GCA: variants seen among roughly 807,000 people sequenced by gnomAD.
GCA encodes the protein grancalcin, EF-hand calcium-binding protein.
Under a neutral mutation model 32.6 loss-of-function variants are expected in GCA, and 30 were observed. The ratio of observed to expected loss-of-function variants is 0.92; its 90% CI spans 0.69 to 1.25. GCA has a LOEUF of 1.25. Among genes scored for constraint, GCA ranks in the 50% most tolerant of loss-of-function variants. GCA has a pLI of 0.00. For synonymous variants in GCA, 102 were observed against 84.6 expected, an observed-to-expected ratio of 1.21 and a Z score of -1.13; for missense variants, 291 against 266.8, an observed-to-expected ratio of 1.09 and a Z score of -0.63.
chr2:162,328,570 C>T (rs1202627119), intron 1 of GCA, among the ~76,000 whole-genome samples: 1 of 152,160 alleles, frequency 6.6e-6, no homozygotes, highest in South Asian at 2.1e-4. Flanking sequence ...AGCATACACA[C>T]GGGCAGGCTG....
intron 2 of GCA, among the ~76,000 whole-genome samples, chr2:162,348,709 G>A (rs977807965): frequency 7.2e-5 from 11 of 152,136 alleles, no homozygotes; most frequent in African/African-American, 2.4e-4. Flanking sequence ...TGTGGTCAAC[G>A]GAAGCTTTTC....
chr2:162,326,529 T>C (rs532795241), intron 1 of GCA, among the ~76,000 whole-genome samples: 17 of 152,232 alleles, frequency 1.1e-4, no homozygotes, highest in Non-Finnish European at 2.1e-4. Context: ...TCTTTTCTTT[T>C]TTTTTGAGAT....
At position 162,359,120 on chromosome 2, in the gene GCA, T is replaced by G. The variant is rs1685437518; in HGVS notation, c.531T>G (p.Asp177Glu). The G allele has an allele frequency of 6.2e-7, 1 of 1,606,550 alleles. No individual in the cohort carries two copies. The highest frequency in any genetic ancestry group is 8.5e-7 in the Non-Finnish European group (1 of 1,174,384). ...YSKNGRIFFD[D>E]YVACCVKLRA... Reference sequence around the variant, plus strand: ...AGAATGGCAGAATTTTCTTTGATGATTATGTTGCTTGCTGTGTGAAGCTTC... The same window carrying G: ...AGAATGGCAGAATTTTCTTTGATGAGTATGTTGCTTGCTGTGTGAAGCTTC... The change falls in exon 6 of 8, where the codon GAT (aspartate) becomes GAG (glutamate). Residue 177 changes from aspartate to glutamate, a missense_variant. Coordinates refer to ENST00000437150, the MANE Select transcript of GCA (RefSeq NM_012198.5).
chr2:162,344,202 G>A lies in GCA; in HGVS notation c.-47G>A, dbSNP rs749496273. On this transcript the variant is annotated 5_prime_UTR_variant, in exon 1 of 8. Coordinates refer to ENST00000437150, the MANE Select transcript of GCA (RefSeq NM_012198.5). ...CGCCTGTGCTTTTTCTCCCAGCACT[G>A]CGGACGCGACTCGAGGGTGACGCTC... is the stretch of plus-strand genomic sequence containing the variant. The A allele has an allele frequency of 7.4e-6, 12 of 1,612,018 alleles. No homozygotes were observed. In the African/African-American group the frequency reaches 1.3e-4, roughly 18 times the overall value.
intron 1 of GCA, among the ~76,000 whole-genome samples, chr2:162,328,465 A>T (rs1279515644): frequency 6.6e-6 from 1 of 152,048 alleles, no homozygotes; most frequent in Non-Finnish European, 1.5e-5. Flanking sequence ...AGAAAGGCAA[A>T]CCTGACAGCA....
chr2:162,356,753 A>G lies in GCA; in HGVS notation c.307-5A>G, dbSNP rs1685292976. ...AGAATTTATTTTTGTTAATAAAACT[A>G]TCAGAGAGATCACACAGGAAAAATG... is the stretch of plus-strand genomic sequence containing the variant. On this transcript the variant is annotated splice_polypyrimidine_tract_variant and splice_region_variant and intron_variant, in intron 4 of 7. Coordinates refer to ENST00000437150, the MANE Select transcript of GCA (RefSeq NM_012198.5). 6.3e-7 allele frequency: 1 copy of G among 1,595,178 alleles called. No homozygotes were observed. The highest frequency in any genetic ancestry group is 8.6e-7 in the Non-Finnish European group (1 of 1,167,248).
intron 1 of GCA, among the ~76,000 whole-genome samples, chr2:162,323,893 C>T (rs1377206839): frequency 6.7e-6 from 1 of 149,966 alleles, no homozygotes; most frequent in African/African-American, 2.5e-5. Context: ...GCGATGCGGG[C>T]TCTTTTTTGG....
At chr2:162,331,776 C>A (rs900520125) in intron 1 of GCA, among the ~76,000 whole-genome samples, 3 of 152,134 alleles carry the variant, frequency 2.0e-5, no homozygotes, top group Admixed American at 6.5e-5. Flanking sequence ...CTGAGACAAA[C>A]TGTATATATA....
At chr2:162,374,102 T>C (rs1232377040), downstream of GCA, among the ~76,000 whole-genome samples, 3 of 152,252 alleles carry the variant, frequency 2.0e-5, no homozygotes, top group Non-Finnish European at 2.9e-5. Flanking sequence ...ATTTCTTATG[T>C]GTTTTTACAT....
upstream of GCA, among the ~76,000 whole-genome samples, chr2:162,341,760 G>T (rs1302321841): frequency 6.6e-6 from 1 of 152,158 alleles, no homozygotes; most frequent in Non-Finnish European, 1.5e-5. Context: ...GGAGAGAAAA[G>T]GGGACATACA....
At chr2:162,333,763 C>T (rs941084358) in intron 1 of GCA, among the ~76,000 whole-genome samples, 2 of 152,100 alleles carry the variant, frequency 1.3e-5, no homozygotes, top group Non-Finnish European at 2.9e-5. Context: ...CCCTGATAGA[C>T]ATCTCAGAAA....
intron 1 of GCA, among the ~76,000 whole-genome samples, chr2:162,322,459 AGGTT>A (rs1683707782): frequency 1.3e-5 from 2 of 151,078 alleles, no homozygotes; most frequent in Admixed American, 1.3e-4. Context: ...CACAATGTGC[AGGTT>A]GGTTACATAT....
chr2:162,374,408 A>G (rs1553468762), downstream of GCA, among the ~76,000 whole-genome samples: 1 of 152,198 alleles, frequency 6.6e-6, no homozygotes, highest in Non-Finnish European at 1.5e-5. Context: ...ATAGCAAAAT[A>G]TAATTGGTCA....
chr2:162,359,514 C>A lies in GCA; in HGVS notation c.589C>A (p.His197Asn). The change falls in exon 7 of 8, where the codon CAC (histidine) becomes AAC (asparagine). Residue 197 changes from histidine to asparagine, a missense_variant. Physicochemically the swap from His to Asn is moderately conservative, Grantham distance 68. Coordinates refer to ENST00000437150, the MANE Select transcript of GCA (RefSeq NM_012198.5). ...TAAAGATTTCTTTAGGAAAAGAGAC[C>A]ACTTGCAACAAGGGTCTGCGAATTT... Reference protein sequence around the residue: ...ALTDFFRKRDHLQQGSANFIY... With the variant: ...ALTDFFRKRDNLQQGSANFIY... 2 of 1,530,152 alleles carry A rather than the reference C, an allele frequency of 1.3e-6. No individual in the cohort carries two copies. Among genetic ancestry groups the A allele is most frequent in the South Asian group, 1.2e-5 (1 of 84,182 alleles). The allele number at this position is 1,530,152 out of a possible 1,614,324, so 94.8% of individuals were successfully genotyped here. A position where few individuals can be genotyped will look rare whatever the true frequency, so the allele number is the denominator to read the frequency against.
At chr2:162,352,439 A>G (rs1454199020) in intron 3 of GCA, 32 bp downstream of exon 3, 2 of 1,248,832 alleles carry the variant, frequency 1.6e-6, no homozygotes, top group Admixed American at 3.7e-5. Flanking sequence ...TGTTGAAATT[A>G]TAATAGGAAG....
Position 162,351,075 on chromosome 2 carries a change from G to A in GCA, c.193-1263G>A, listed in dbSNP as rs980694990. 6.6e-5 allele frequency among the ~76,000 whole-genome samples: 10 copies of A among 152,080 alleles called. No homozygotes were observed. In the South Asian group the frequency reaches 1.4e-3, roughly 22 times the overall value. ...GAAAAACACCTGATTAAAGGTTTCT[G>A]CAGTGTTCTTATTTATAGGATGAAG... On this transcript the variant is annotated intron_variant, in intron 2 of 7. Transcript: ENST00000437150.
At chr2:162,354,507 G>A (rs776568812) in intron 3 of GCA, among the ~76,000 whole-genome samples, 1 of 152,166 alleles carries the variant, frequency 6.6e-6, no homozygotes. Context: ...TTGGAAGTAG[G>A]TGTAGCATCC....
At position 162,360,747 on chromosome 2, in the gene GCA, G is replaced by A; in HGVS notation, c.*504G>A. The A allele has an allele frequency of 7.2e-7, 1 of 1,394,562 alleles. No individual in the cohort carries two copies. Among genetic ancestry groups the A allele is most frequent in the Admixed American group, 2.9e-5 (1 of 34,190 alleles). 86.4% of individuals were successfully genotyped at this position (1,394,562 alleles called of 1,614,324 possible). A position where few individuals can be genotyped will look rare whatever the true frequency, so the allele number is the denominator to read the frequency against. On this transcript the variant is annotated 3_prime_UTR_variant, in exon 8 of 8. Coordinates refer to ENST00000437150, the MANE Select transcript of GCA (RefSeq NM_012198.5). ...TTTGTTCCTTGATCAAATAATCAGA[G>A]AAAAGAAACTTAAAGATCTTTGTCT...
intron 1 of GCA, among the ~76,000 whole-genome samples, chr2:162,321,249 A>G (rs2105246560): frequency 6.6e-6 from 1 of 152,238 alleles, no homozygotes; most frequent in South Asian, 2.1e-4. Flanking sequence ...TTCTTCTACT[A>G]GGTTTCATTT....
Sources: allele counts gnomAD v4.1 joint callset (sites outside exome capture counted in the v4.1 genomes callset), GRCh38; gene constraint gnomAD v4.1.1; transcripts MANE v1.5; gene names NCBI Gene and HGNC (gene_info 2026-07-23, HGNC 2026-07-21).